Variants in DCHS2 observed in about 807,000 individuals in gnomAD.
DCHS2 encodes dachsous cadherin-related 2, also known as protocadherin-23.
In DCHS2, 142 loss-of-function variants were observed where a neutral mutation model predicts 182.4. The ratio of observed to expected loss-of-function variants is 0.78; its 90% CI spans 0.68 to 0.89. The LOEUF is 0.89. DCHS2 is among the 40% of genes least tolerant of loss of function. The probability of loss-of-function intolerance (pLI) is 0.00; values close to 1 mark genes in which losing one functional copy is unlikely to be tolerated. For synonymous variants in DCHS2, 1,740 were observed against 1,663.3 expected (o/e 1.05, Z -1.12); for missense variants, 4,319 against 4,198.6 (o/e 1.03, Z -0.79).
At chr4:154,407,406 T>C (rs1009468840) in intron 1 of DCHS2, among the ~76,000 whole-genome samples, 4 of 152,214 alleles carry the variant, frequency 2.6e-5, no homozygotes, top group African/African-American at 7.2e-5. Flanking sequence ...CTCTCAGGTA[T>C]GTGGTGGAGG....
Position 154,305,156 on chromosome 4 carries a change from C to T in DCHS2, c.5336G>A (p.Gly1779Glu). ...FELFEINSDT[G>E]EVVTTTILDR... Reference sequence around the variant, plus strand: ...AAGTATGGTGGTTGTCACTACCTCTCCAGTGTCAGAATTTATCTCGAATAA... The same window carrying T: ...AAGTATGGTGGTTGTCACTACCTCTTCAGTGTCAGAATTTATCTCGAATAA... Residue 1779 changes from glycine to glutamate, a missense_variant, in exon 11 of 20, where the codon GGA becomes GAA. Physicochemically the swap from Gly to Glu is moderately conservative, Grantham distance 98. Coordinates refer to ENST00000357232, the MANE Select transcript of DCHS2 (RefSeq NM_001358235.2). 3 of 1,612,794 alleles carry T rather than the reference C, an allele frequency of 1.9e-6. No individual in the cohort carries two copies. Among genetic ancestry groups the T allele is most frequent in the Non-Finnish European group, 2.5e-6 (3 of 1,179,450 alleles).
chr4:154,430,716 A>G (rs1202485322), intron 1 of DCHS2, among the ~76,000 whole-genome samples: 1 of 152,138 alleles, frequency 6.6e-6, no homozygotes, highest in East Asian at 1.9e-4. Flanking sequence ...ATCTAAAACA[A>G]TTACTTATAG....
In DCHS2 at chr4:154,334,901, G is replaced by C. The variant is rs1250987723; in HGVS notation, c.2680C>G (p.Pro894Ala). Residue 894 changes from proline to alanine, a missense_variant, in exon 4 of 20, where the codon CCC becomes GCC. Physicochemically the swap from Pro to Ala is conservative, Grantham distance 27. Transcript: ENST00000357232. ...LVYEDVPEDS[P>A]IGTVKAREPL... is the part of the protein sequence containing the mutation. The stretch of plus-strand genomic sequence containing the variant: ...TCTCTTGCTTTCACTGTTCCAATGG[G>C]ACTATCTTCAGGCACATCTTCATAA... 3 of 1,614,096 alleles carry C rather than the reference G, an allele frequency of 1.9e-6. No homozygotes were observed. The highest frequency in any genetic ancestry group is 1.7e-6 in the Non-Finnish European group (2 of 1,179,952).
chr4:154,434,793 C>T (rs1733704642), intron 1 of DCHS2, among the ~76,000 whole-genome samples: 1 of 152,080 alleles, frequency 6.6e-6, no homozygotes, highest in Admixed American at 6.5e-5. Context: ...TCTTCTTTCC[C>T]CATAATTTAT....
chr4:154,266,000 C>T (rs908214025), intron 14 of DCHS2, among the ~76,000 whole-genome samples: 1 of 152,100 alleles, frequency 6.6e-6, no homozygotes, highest in African/African-American at 2.4e-5. Context: ...AAATTAACAA[C>T]GACTAATAAA....
chr4:154,347,684 T>C (rs993120517), intron 3 of DCHS2, among the ~76,000 whole-genome samples: 3 of 151,748 alleles, frequency 2.0e-5, no homozygotes, highest in African/African-American at 2.4e-5. Context: ...CAAGAAATAA[T>C]CAATAATGAA....
intron 16 of DCHS2, among the ~76,000 whole-genome samples, chr4:154,244,114 C>T (rs1358120265): frequency 1.3e-5 from 2 of 152,204 alleles, no homozygotes; most frequent in Non-Finnish European, 2.9e-5. Flanking sequence ...GCATAGCACC[C>T]TGTACATTCT....
intron 12 of DCHS2, among the ~76,000 whole-genome samples, 177 bp downstream of exon 12, chr4:154,304,492 G>A (rs1360955505): frequency 6.6e-6 from 1 of 152,024 alleles, no homozygotes; most frequent in Non-Finnish European, 1.5e-5. Context: ...CAGCATCCTG[G>A]AATAAATTTT....
intron 1 of DCHS2, among the ~76,000 whole-genome samples, chr4:154,451,385 C>T (rs1734527550): frequency 1.3e-5 from 2 of 152,122 alleles, no homozygotes; most frequent in Non-Finnish European, 2.9e-5. Flanking sequence ...TGTTAATGAC[C>T]TTCCAAGATA....
chr4:154,433,899 C>A (rs1244758679), intron 1 of DCHS2, among the ~76,000 whole-genome samples: 1 of 152,116 alleles, frequency 6.6e-6, no homozygotes, highest in Non-Finnish European at 1.5e-5. Flanking sequence ...GCCAAATTAC[C>A]CAGTTTCAGA....
chr4:154,368,667 C>A (rs1028772357), intron 2 of DCHS2, among the ~76,000 whole-genome samples: 5 of 152,272 alleles, frequency 3.3e-5, no homozygotes, highest in Non-Finnish European at 7.4e-5. Context: ...CAGGCACACA[C>A]CACCACACCC....
intron 1 of DCHS2, chr4:154,384,531 C>A: frequency 6.5e-7 from 1 of 1,546,850 alleles, no homozygotes; most frequent in Admixed American, 2.0e-5. Flanking sequence ...ATCCCCAGAA[C>A]CTATGACTAT....
At chr4:154,458,858 C>T (rs1490816983) in intron 1 of DCHS2, among the ~76,000 whole-genome samples, 1 of 152,130 alleles carries the variant, frequency 6.6e-6, no homozygotes, top group African/African-American at 2.4e-5. Flanking sequence ...TTCTCAGGTG[C>T]ACACACAAAT....
At position 154,490,583 on chromosome 4, in the gene DCHS2, T is replaced by G; in HGVS notation, c.773A>C (p.Glu258Ala). ...GATCTGCAGCCGGTGCGCCGCCGCC[T>G]CCTCTCGGTCCAAGCGCCGCAGCAG... ...LVLLRRLDRE[E>A]AAAHRLQIEA... The change falls in exon 1 of 20, where the codon GAG becomes GCG. Residue 258 changes from glutamate to alanine, a missense_variant. Coordinates refer to ENST00000357232, the MANE Select transcript of DCHS2 (RefSeq NM_001358235.2). 6.5e-7 allele frequency: 1 copy of G among 1,545,038 alleles called. No homozygotes were observed. Among genetic ancestry groups the G allele is most frequent in the Non-Finnish European group, 8.7e-7 (1 of 1,146,176 alleles).
intron 6 of DCHS2, among the ~76,000 whole-genome samples, chr4:154,328,748 A>G (rs901682775): frequency 6.6e-6 from 1 of 152,190 alleles, no homozygotes; most frequent in African/African-American, 2.4e-5. Flanking sequence ...ATGATGATAT[A>G]ATAATATTTT....
At chr4:154,256,411 A>G (rs1247150781) in intron 15 of DCHS2, among the ~76,000 whole-genome samples, 8 of 152,152 alleles carry the variant, frequency 5.3e-5, no homozygotes, top group South Asian at 2.1e-4. Context: ...CTGGGATAAC[A>G]GGTGTGAGCC....
At chr4:154,483,017 A>G (rs1735980487) in intron 1 of DCHS2, among the ~76,000 whole-genome samples, 1 of 152,238 alleles carries the variant, frequency 6.6e-6, no homozygotes, top group Non-Finnish European at 1.5e-5. Flanking sequence ...TGATATTAAA[A>G]TACCATACTT....
intron 3 of DCHS2, 151 bp downstream of exon 3, chr4:154,366,059 T>G (rs1730335522): frequency 1.6e-6 from 1 of 629,864 alleles, no homozygotes; most frequent in Non-Finnish European, 2.8e-6. Flanking sequence ...TCAGCCATTT[T>G]CAATATACTT....
intron 1 of DCHS2, among the ~76,000 whole-genome samples, chr4:154,488,776 G>A (rs933826956): frequency 3.3e-5 from 5 of 152,014 alleles, no homozygotes; most frequent in Non-Finnish European, 2.9e-5. Flanking sequence ...ATGGTGGCAG[G>A]CAGGAGAATT....
Sources: allele counts gnomAD v4.1 joint callset (sites outside exome capture counted in the v4.1 genomes callset), GRCh38; gene constraint gnomAD v4.1.1; transcripts MANE v1.5; gene names NCBI Gene and HGNC (gene_info 2026-07-23, HGNC 2026-07-21).